RRBP1: variants seen among roughly 807,000 people sequenced by gnomAD.
RRBP1 encodes ribosome binding protein 1.
A neutral mutation model predicts 165.2 loss-of-function variants in RRBP1; 94 were observed. The observed-to-expected ratio is 0.57, with a 90% CI of 0.48 to 0.68. The LOEUF (loss-of-function observed/expected upper bound fraction) is 0.68, where lower values mean the gene tolerates loss of function less well. Among genes scored for constraint, RRBP1 ranks in the 30% least tolerant of loss-of-function variants. The pLI is 0.00. For synonymous variants in RRBP1, 680 were observed against 714.5 expected, an observed-to-expected ratio of 0.95 and a Z score of 0.77; for missense variants, 1,676 against 1,763.0, an observed-to-expected ratio of 0.95 and a Z score of 0.88.
intron 2 of RRBP1, among the ~76,000 whole-genome samples, chr20:17,665,660 G>T (rs1219146979): frequency 2.0e-5 from 3 of 152,110 alleles, no homozygotes; most frequent in Non-Finnish European, 2.9e-5. Context: ...ATGCTTTTAG[G>T]TTTTAAAAAT....
intron 3 of RRBP1, among the ~76,000 whole-genome samples, chr20:17,645,938 G>A (rs1316497514): frequency 1.3e-5 from 2 of 152,188 alleles, no homozygotes; most frequent in Non-Finnish European, 1.5e-5. Flanking sequence ...TACCAGGAAG[G>A]GACAGGCCAG....
chr20:17,657,805 T>C (rs2036672570), intron 3 of RRBP1, among the ~76,000 whole-genome samples: 1 of 152,204 alleles, frequency 6.6e-6, no homozygotes, highest in South Asian at 2.1e-4. Flanking sequence ...TGCTCTATAA[T>C]GCTTTACCAA....
At chr20:17,616,877 A>G (rs1277234016) in intron 20 of RRBP1, 38 bp from the exon 21 acceptor site, 1 of 1,477,746 alleles carries the variant, frequency 6.8e-7, no homozygotes, top group African/African-American at 1.4e-5. Flanking sequence ...ATGCACAGCC[A>G]GTCGCACACC....
intron 1 of RRBP1, among the ~76,000 whole-genome samples, chr20:17,680,592 C>T (rs2122528486): frequency 6.6e-6 from 1 of 152,194 alleles, no homozygotes; most frequent in East Asian, 1.9e-4. Context: ...GGTCCCAGCA[C>T]TTCCCGGCGT....
At chr20:17,625,752 C>T (rs1297355190) in intron 11 of RRBP1, 150 bp from the exon 12 acceptor site, 8 of 639,110 alleles carry the variant, frequency 1.3e-5, no homozygotes, top group East Asian at 8.2e-5. Context: ...CCTCACCCAG[C>T]GTGAGCTCCC....
rs764499093 is a variant in RRBP1 at position 17,625,536 on chromosome 20, G to A, written c.3030C>T (p.Val1010=). 13 of 1,613,692 alleles carry A rather than the reference G, an allele frequency of 8.1e-6. No homozygotes were observed. Among genetic ancestry groups the A allele is most frequent in the African/African-American group, 1.3e-5 (1 of 74,866 alleles). Residue 1010 remains valine (V), a synonymous_variant, in exon 12 of 25, where the codon GTC becomes GTT. Coordinates refer to ENST00000377813, the MANE Select transcript of RRBP1 (RefSeq NM_001365613.2). ...CATTGTTCTTCACTTTCTGCTGCTC[G>A]ACGGCCTCCCTGAGCTCGATGGCCT... is the stretch of plus-strand genomic sequence containing the variant. ...EKEAIELREA[V]EQQKVKNNDL...
Position 17,614,162 on chromosome 20 carries a change from T to C in RRBP1, c.*20A>G, listed in dbSNP as rs997569469. 1 of 1,613,534 alleles carries C rather than the reference T, an allele frequency of 6.2e-7. No homozygotes were observed. Among genetic ancestry groups the C allele is most frequent in the Non-Finnish European group, 8.5e-7 (1 of 1,179,514 alleles). ...CATTTTGGTAAGTTGAACAGTAACT[T>C]CTTTTTCCAAAGAGGAAACTCAGAC... On this transcript the variant is annotated 3_prime_UTR_variant, in exon 25 of 25. Coordinates refer to ENST00000377813, the MANE Select transcript of RRBP1 (RefSeq NM_001365613.2).
At chr20:17,639,315 G>A (rs530315176) in intron 5 of RRBP1, among the ~76,000 whole-genome samples, 1 of 152,342 alleles carries the variant, frequency 6.6e-6, no homozygotes, top group African/African-American at 2.4e-5. Flanking sequence ...TGGGAGACCT[G>A]GATACAGCAG....
intron 2 of RRBP1, among the ~76,000 whole-genome samples, chr20:17,665,790 T>C (rs1388834367): frequency 6.6e-6 from 1 of 152,152 alleles, no homozygotes; most frequent in Non-Finnish European, 1.5e-5. Context: ...GTGACAGAAG[T>C]CATTTTACTG....
chr20:17,670,441 T>TAA (rs11469381), intron 2 of RRBP1, among the ~76,000 whole-genome samples: 12 of 143,594 alleles, frequency 8.4e-5, no homozygotes, highest in African/African-American at 3.1e-4. Context: ...CAATTACCTT[T>TAA]AAAAAAAAAA....
intron 23 of RRBP1, 132 bp downstream of exon 23, chr20:17,615,299 A>C: frequency 1.5e-6 from 1 of 676,278 alleles, no homozygotes; most frequent in Admixed American, 3.2e-5. Flanking sequence ...GGTAGTGACA[A>C]GGGGAACCAG....
intron 2 of RRBP1, among the ~76,000 whole-genome samples, chr20:17,668,936 TACTA>T (rs2036922508): frequency 6.6e-6 from 1 of 152,184 alleles, no homozygotes; most frequent in Non-Finnish European, 1.5e-5. Flanking sequence ...AAAGACTGCT[TACTA>T]ACTATGTAAC....
At chr20:17,639,165 G>A (rs1018414936) in intron 5 of RRBP1, among the ~76,000 whole-genome samples, 3 of 152,206 alleles carry the variant, frequency 2.0e-5, no homozygotes, top group African/African-American at 7.2e-5. Flanking sequence ...CATCACTGGA[G>A]CTCTGCCTGG....
intron 7 of RRBP1, among the ~76,000 whole-genome samples, chr20:17,635,007 A>G (rs1193315449): frequency 1.3e-5 from 2 of 152,216 alleles, no homozygotes; most frequent in Non-Finnish European, 2.9e-5. Flanking sequence ...GGGATAACAC[A>G]GAGCTCTGCC....
rs754072568 is a variant in RRBP1, at chr20:17,660,173, A to G, written c.335T>C (p.Val112Ala). 8 of 1,613,870 alleles carry G rather than the reference A, an allele frequency of 5.0e-6. No individual in the cohort carries two copies. The highest frequency in any genetic ancestry group is 5.1e-6 in the Non-Finnish European group (6 of 1,179,968). Residue 112 changes from valine (V) to alanine (A), a missense_variant, in exon 3 of 25, where the codon GTG (valine) becomes GCG (alanine). Coordinates refer to ENST00000377813, the MANE Select transcript of RRBP1 (RefSeq NM_001365613.2). Reference protein sequence around the residue: ...APAVAVAPTPVQPPIIVAPVA... With the variant: ...APAVAVAPTPAQPPIIVAPVA... ...AGGAGCAACGATAATGGGGGGCTGC[A>G]CTGGGGTTGGAGCCACAGCCACAGC... is the stretch of plus-strand genomic sequence containing the variant.
intron 1 of RRBP1, among the ~76,000 whole-genome samples, 178 bp downstream of exon 1, chr20:17,681,850 C>A (rs1319196990): frequency 1.4e-5 from 2 of 145,422 alleles, no homozygotes; most frequent in East Asian, 3.9e-4. Context: ...GCACCCCCGC[C>A]CCGAGTCCGA....
Position 17,620,703 on chromosome 20 carries a change from G to T in RRBP1, c.3507+12C>A. ...CTCCACGGCGCCGGGAGGCAGGCAG[G>T]GCTGCATATACCTTCTGGAGCTCCT... On this transcript the variant is annotated intron_variant, in intron 17 of 24. Transcript: ENST00000377813. 6.3e-7 allele frequency: 1 copy of T among 1,598,356 alleles called. No individual in the cohort carries two copies. Among genetic ancestry groups the T allele is most frequent in the Non-Finnish European group, 8.5e-7 (1 of 1,174,778 alleles).
chr20:17,637,233 G>A (rs373493488), intron 5 of RRBP1, among the ~76,000 whole-genome samples: 2 of 152,124 alleles, frequency 1.3e-5, no homozygotes, highest in African/African-American at 4.8e-5. Context: ...GCAGGCGGTC[G>A]CTCTGTCCTC....
Position 17,627,486 on chromosome 20 carries a change from C to T in RRBP1, c.2928+18G>A. 6.2e-7 allele frequency: 1 copy of T among 1,606,174 alleles called. No individual in the cohort carries two copies. Among genetic ancestry groups the T allele is most frequent in the South Asian group, 1.1e-5 (1 of 90,356 alleles). On this transcript the variant is annotated intron_variant, in intron 10 of 24. Coordinates refer to ENST00000377813, the MANE Select transcript of RRBP1 (RefSeq NM_001365613.2). ...TGGAGTTCCCTTTCCTCCCCGTGGC[C>T]CCAGGCAGAAGGCTGACCTGGACGT...
Sources: allele counts gnomAD v4.1 joint callset (sites outside exome capture counted in the v4.1 genomes callset), GRCh38; gene constraint gnomAD v4.1.1; transcripts MANE v1.5; gene names NCBI Gene and HGNC (gene_info 2026-07-23, HGNC 2026-07-21).